CTSC: variants seen among roughly 807,000 people sequenced by gnomAD.
CTSC encodes cathepsin C, also known as dipeptidyl peptidase 1.
CTSC carries 37 observed loss-of-function variants against 40.9 expected under a neutral mutation model. The ratio of observed to expected loss-of-function variants is 0.91; its 90% CI spans 0.70 to 1.19. The LOEUF is 1.19. CTSC is among the 50% of genes most tolerant of loss of function. CTSC has a pLI of 0.00. For missense variants in CTSC, 594 were observed against 567.3 expected, an observed-to-expected ratio of 1.05 and a Z score of -0.48; for synonymous variants, 232 against 207.4, an observed-to-expected ratio of 1.12 and a Z score of -1.02.
At chr11:88,296,572 A>T in intron 5 of CTSC, 1 of 366,594 alleles carries the variant, frequency 2.7e-6, no homozygotes, top group South Asian at 2.2e-5. Context: ...TAATGATGAA[A>T]GGATTTATGT....
At chr11:88,307,202 T>C (rs1287737782) in intron 4 of CTSC, among the ~76,000 whole-genome samples, 1 of 152,196 alleles carries the variant, frequency 6.6e-6, no homozygotes, top group Non-Finnish European at 1.5e-5. Flanking sequence ...GCTATTTCAA[T>C]GTATTAAGGA....
At chr11:88,329,516 T>C (rs909294874) in intron 2 of CTSC, among the ~76,000 whole-genome samples, 1 of 149,718 alleles carries the variant, frequency 6.7e-6, no homozygotes, top group Non-Finnish European at 1.5e-5. Context: ...TTTTGGAGCT[T>C]AGTTTGTTTT....
chr11:88,298,331 C>G (rs1591221066), intron 5 of CTSC: 1 of 152,210 alleles, frequency 6.6e-6, no homozygotes, highest in Admixed American at 6.5e-5. Flanking sequence ...TTCTAAGCTT[C>G]TCTTCCCTCT....
At chr11:88,296,112 T>C (rs1461394811) in intron 6 of CTSC, 21 bp downstream of exon 6, 15 of 1,613,032 alleles carry the variant, frequency 9.3e-6, no homozygotes, top group Non-Finnish European at 1.3e-5. Flanking sequence ...TCATAAATGG[T>C]GTCTGAAATG....
chr11:88,335,928 A>C (rs776845128), intron 1 of CTSC, among the ~76,000 whole-genome samples: 16 of 152,184 alleles, frequency 1.1e-4, no homozygotes, highest in Non-Finnish European at 1.9e-4. Flanking sequence ...CATAATCTGA[A>C]TCCTTCCAAA....
chr11:88,321,073 G>T (rs1440728696), intron 2 of CTSC: 1 of 977,266 alleles, frequency 1.0e-6, no homozygotes, highest in Non-Finnish European at 1.2e-6. Flanking sequence ...GCATGTTGAT[G>T]CAAAATTACT....
chr11:88,335,679 G>C (rs185094667), intron 1 of CTSC, among the ~76,000 whole-genome samples: 3 of 152,228 alleles, frequency 2.0e-5, no homozygotes, highest in Admixed American at 6.5e-5. Flanking sequence ...TTTTTCCACT[G>C]AACAAAAGGA....
intron 2 of CTSC, chr11:88,325,962 CAG>C: frequency 2.0e-6 from 2 of 995,186 alleles, no homozygotes; most frequent in Non-Finnish European, 1.2e-6. Flanking sequence ...GACACTCAGG[CAG>C]ACAGTTAAAC....
At chr11:88,313,296 C>T (rs1937807639) in intron 2 of CTSC, among the ~76,000 whole-genome samples, 1 of 152,116 alleles carries the variant, frequency 6.6e-6, no homozygotes, top group East Asian at 1.9e-4. Context: ...GTCTTGAACT[C>T]CAGACAAGTG....
At chr11:88,315,755 T>C (rs922161599) in intron 2 of CTSC, among the ~76,000 whole-genome samples, 3 of 142,988 alleles carry the variant, frequency 2.1e-5, no homozygotes, top group African/African-American at 8.2e-5. Flanking sequence ...TCCTACAATT[T>C]GTCTTCTCAC....
rs766365839 is a variant in CTSC, at chr11:88,309,214, G to C, written c.590C>G (p.Thr197Ser). 2.5e-6 allele frequency: 4 copies of C among 1,613,928 alleles called. No individual in the cohort carries two copies. The highest frequency in any genetic ancestry group is 3.4e-6 in the Non-Finnish European group (4 of 1,179,860). The change falls in exon 4 of 7, where the codon ACC (threonine) becomes AGC (serine). Residue 197 changes from threonine (T) to serine (S), a missense_variant. Thr to Ser is a moderately conservative substitution (Grantham distance 58). Coordinates refer to ENST00000227266, the MANE Select transcript of CTSC (RefSeq NM_001814.6). ...ACTTCTCCTAATCATATCTCCCAGGGTAAGAGTCTCATATTCCATGTATGT... is the reference window on the plus strand; with the variant it reads ...ACTTCTCCTAATCATATCTCCCAGGCTAAGAGTCTCATATTCCATGTATGT... ...ATTYMEYETL[T>S]LGDMIRRSGG...
chr11:88,295,134 T>A (rs542789540), intron 6 of CTSC, among the ~76,000 whole-genome samples: 6 of 152,314 alleles, frequency 3.9e-5, no homozygotes, highest in African/African-American at 1.4e-4. Flanking sequence ...AGGATAAAGA[T>A]TGTCTTGATA....
intron 6 of CTSC, among the ~76,000 whole-genome samples, chr11:88,295,369 A>G (rs1328875290): frequency 1.3e-5 from 2 of 152,036 alleles, no homozygotes; most frequent in Non-Finnish European, 2.9e-5. Context: ...CCTGATCTGA[A>G]AGCCTAAGTA....
At chr11:88,311,646 C>T (rs1469302431) in intron 3 of CTSC, among the ~76,000 whole-genome samples, 1 of 152,136 alleles carries the variant, frequency 6.6e-6, no homozygotes, top group African/African-American at 2.4e-5. Context: ...GAAATTCTAA[C>T]CCCCTGTATC....
intron 1 of CTSC, 46 bp downstream of exon 1, chr11:88,337,455 A>C: frequency 1.3e-6 from 2 of 1,544,572 alleles, no homozygotes; most frequent in Non-Finnish European, 1.8e-6. Context: ...TTAGGGGCTC[A>C]AGGGCAGAAA....
intron 3 of CTSC, 55 bp from the exon 4 acceptor site, chr11:88,309,373 T>A (rs780555320): frequency 6.8e-7 from 1 of 1,460,580 alleles, no homozygotes; most frequent in Non-Finnish European, 9.6e-7. Context: ...GTAAATAGAG[T>A]AATTAAAACA....
At chr11:88,311,685 AG>A (rs913758806) in intron 3 of CTSC, among the ~76,000 whole-genome samples, 4 of 152,206 alleles carry the variant, frequency 2.6e-5, no homozygotes, top group Non-Finnish European at 4.4e-5. Flanking sequence ...TTGGAGACAG[AG>A]CTTTAAAGAG....
At chr11:88,310,384 C>T (rs1937726266) in intron 3 of CTSC, among the ~76,000 whole-genome samples, 1 of 152,000 alleles carries the variant, frequency 6.6e-6, no homozygotes, top group African/African-American at 2.4e-5. Flanking sequence ...GTGCTAGATG[C>T]TAGGAATTAT....
In CTSC at chr11:88,305,621, C is replaced by T. The variant is rs188665740; in HGVS notation, c.641+3542G>A. Among the ~76,000 whole-genome samples, 87 of 152,270 alleles carry T rather than the reference C, an allele frequency of 5.7e-4. 1 individual carries two copies. The highest frequency in any genetic ancestry group is 6.8e-3 in the Middle Eastern group (2 of 294). ...TAAGAATCTTTGAGAGTTTCTATTA[C>T]GTCATTGGATTCTTAGAACAGAACT... On this transcript the variant is annotated intron_variant, in intron 4 of 6. Coordinates refer to ENST00000227266, the MANE Select transcript of CTSC (RefSeq NM_001814.6).
Sources: allele counts gnomAD v4.1 joint callset (sites outside exome capture counted in the v4.1 genomes callset), GRCh38; gene constraint gnomAD v4.1.1; transcripts MANE v1.5; gene names NCBI Gene and HGNC (gene_info 2026-07-23, HGNC 2026-07-21).